Variants in RBFOX1 observed in about 807,000 individuals in gnomAD.
RBFOX1 encodes the protein RNA binding fox-1 homolog 1.
RBFOX1 carries 8 observed loss-of-function variants against 57.7 expected under a neutral mutation model. That is an observed-to-expected ratio of 0.14 (90% CI 0.08 to 0.25). The LOEUF is 0.25. Among genes scored for constraint, RBFOX1 ranks in the 10% least tolerant of loss-of-function variants. The pLI is 1.00. For missense variants in RBFOX1, 611 were observed against 548.5 expected (o/e 1.11, Z -1.14); for synonymous variants, 326 against 222.4 (o/e 1.47, Z -4.15).
At chr16:5,510,080 G>A (rs928555570) in intron 2 of RBFOX1, among the ~76,000 whole-genome samples, 5 of 152,202 alleles carry the variant, frequency 3.3e-5, no homozygotes, top group African/African-American at 7.2e-5. Flanking sequence ...GGCCCACAGC[G>A]TCGAGCACAG....
chr16:6,160,119 C>G (rs1260708568), intron 1 of RBFOX1, among the ~76,000 whole-genome samples: 2 of 152,164 alleles, frequency 1.3e-5, no homozygotes, highest in Non-Finnish European at 2.9e-5. Flanking sequence ...TAACCTAAAT[C>G]TACAGGGTTT....
chr16:7,567,785 C>A (rs1353045506), intron 5 of RBFOX1, among the ~76,000 whole-genome samples: 1 of 146,888 alleles, frequency 6.8e-6, no homozygotes, highest in East Asian at 2.0e-4. Context: ...CTATATATAT[C>A]CATATGTATA....
intron 3 of RBFOX1, among the ~76,000 whole-genome samples, chr16:5,733,825 A>G (rs1241887879): frequency 6.6e-6 from 1 of 150,632 alleles, no homozygotes; most frequent in African/African-American, 2.5e-5. Flanking sequence ...ATCCGCGTCC[A>G]TGCTGATGCT....
At chr16:7,525,387 C>G (rs1319143228) in intron 5 of RBFOX1, among the ~76,000 whole-genome samples, 1 of 151,986 alleles carries the variant, frequency 6.6e-6, no homozygotes, top group African/African-American at 2.4e-5. Flanking sequence ...TGATATTTAC[C>G]ATCAGGCTAC....
intron 3 of RBFOX1, among the ~76,000 whole-genome samples, chr16:5,678,885 A>G (rs1025042114): frequency 4.6e-5 from 7 of 152,214 alleles, no homozygotes; most frequent in Non-Finnish European, 8.8e-5. Context: ...GCTCATGGGT[A>G]AGGATGGACA....
chr16:5,394,214 G>T (rs1187759737), intron 1 of RBFOX1, among the ~76,000 whole-genome samples: 1 of 152,078 alleles, frequency 6.6e-6, no homozygotes, highest in Non-Finnish European at 1.5e-5. Context: ...AGTAGAGACA[G>T]GGCTTCACCA....
intron 4 of RBFOX1, among the ~76,000 whole-genome samples, chr16:7,257,991 C>A (rs1386188038): frequency 6.6e-6 from 1 of 152,302 alleles, no homozygotes; most frequent in South Asian, 2.1e-4. Context: ...TCTGTATCGA[C>A]ACAACTCTGA....
chr16:6,682,227 G>C (rs1192254464), intron 3 of RBFOX1, among the ~76,000 whole-genome samples: 1 of 152,194 alleles, frequency 6.6e-6, no homozygotes, highest in African/African-American at 2.4e-5. Context: ...CAACGCAACA[G>C]AGTCAGCGCT....
chr16:5,695,837 A>G (rs538617310), intron 3 of RBFOX1, among the ~76,000 whole-genome samples: 1 of 152,310 alleles, frequency 6.6e-6, no homozygotes, highest in East Asian at 1.9e-4. Flanking sequence ...TGTAATAGAT[A>G]TGTTAATTTG....
chr16:6,110,579 A>G (rs1026826085), intron 1 of RBFOX1, among the ~76,000 whole-genome samples: 1 of 152,160 alleles, frequency 6.6e-6, no homozygotes, highest in Non-Finnish European at 1.5e-5. Context: ...ATTAAGATGG[A>G]TCCATGAGAA....
At chr16:7,708,838 T>G (rs74012233) in intron 14 of RBFOX1, among the ~76,000 whole-genome samples, 1 of 67,756 alleles carries the variant, frequency 1.5e-5, no homozygotes, top group Non-Finnish European at 3.3e-5. Flanking sequence ...ATATATGTAT[T>G]TATCTGTCAA....
chr16:7,305,192 G>A (rs1232537045), intron 4 of RBFOX1, among the ~76,000 whole-genome samples: 1 of 151,914 alleles, frequency 6.6e-6, no homozygotes, highest in East Asian at 1.9e-4. Flanking sequence ...GGGAGTCTGT[G>A]TTTGCTTTAT....
At chr16:7,582,998 A>G (rs2093892757) in intron 6 of RBFOX1, among the ~76,000 whole-genome samples, 1 of 151,896 alleles carries the variant, frequency 6.6e-6, no homozygotes, top group Non-Finnish European at 1.5e-5. Context: ...TGGTTACTGC[A>G]GATGACTCAT....
At chr16:7,304,557 C>A (rs1053567548) in intron 4 of RBFOX1, 21 of 985,256 alleles carry the variant, frequency 2.1e-5, no homozygotes, top group Admixed American at 1.2e-4. Flanking sequence ...GCGTACTGGG[C>A]TGCGCTTCGG....
At chr16:6,723,864 T>A (rs949453190) in intron 3 of RBFOX1, 1 of 152,168 alleles carries the variant, frequency 6.6e-6, no homozygotes, top group African/African-American at 2.4e-5. Flanking sequence ...CTCACCATTG[T>A]TTCCAGCTCC....
At chr16:6,754,381 T>G (rs2075444000) in intron 3 of RBFOX1, among the ~76,000 whole-genome samples, 1 of 152,236 alleles carries the variant, frequency 6.6e-6, no homozygotes, top group African/African-American at 2.4e-5. Flanking sequence ...TAAATTTATT[T>G]GTAAAAGCAA....
intron 3 of RBFOX1, among the ~76,000 whole-genome samples, chr16:5,710,402 C>G (rs536333106): frequency 6.6e-6 from 1 of 152,148 alleles, no homozygotes; most frequent in African/African-American, 2.4e-5. Flanking sequence ...TCATTTGCTG[C>G]TTGGTAGCCT....
chr16:5,262,079 G>C (rs2062749005), intron 1 of RBFOX1, among the ~76,000 whole-genome samples: 1 of 152,210 alleles, frequency 6.6e-6, no homozygotes, highest in Non-Finnish European at 1.5e-5. Context: ...CGTATTTTGA[G>C]ATATCAGAGA....
At chr16:6,735,707 C>T (rs1275053150) in intron 3 of RBFOX1, among the ~76,000 whole-genome samples, 1 of 152,094 alleles carries the variant, frequency 6.6e-6, no homozygotes, top group Non-Finnish European at 1.5e-5. Context: ...CCCCTAGAAA[C>T]TGAATTTGGT....
Sources: gnomAD v4.1 joint callset for allele counts (sites outside exome capture counted in the v4.1 genomes callset) on GRCh38, gnomAD v4.1.1 for gene constraint, MANE v1.5 for transcripts, NCBI Gene and HGNC (gene_info 2026-07-23, HGNC 2026-07-21) for gene names.